Variants in ATF7 observed in about 807,000 individuals in gnomAD.
ATF7 encodes cyclic AMP-dependent transcription factor ATF-7.
A neutral mutation model predicts 50.4 loss-of-function variants in ATF7; 10 were observed. The ratio of observed to expected loss-of-function variants is 0.20; its 90% confidence interval spans 0.12 to 0.34. The LOEUF is 0.34. Among genes scored for constraint, ATF7 ranks in the 10% least tolerant of loss-of-function variants. ATF7 has a pLI of 1.00. For synonymous variants in ATF7, 201 were observed against 226.4 expected, an observed-to-expected ratio of 0.89 and a Z score of 1.01; for missense variants, 465 against 613.9, an observed-to-expected ratio of 0.76 and a Z score of 2.56.
intron 1 of ATF7, among the ~76,000 whole-genome samples, chr12:53,617,215 G>T (rs1944171900): frequency 6.6e-6 from 1 of 152,040 alleles, no homozygotes; most frequent in Non-Finnish European, 1.5e-5. Context: ...TAGAGACAGG[G>T]TTTTGTCATG....
At chr12:53,543,091 C>A in intron 4 of ATF7, 1 of 1,392,646 alleles carries the variant, frequency 7.2e-7, no homozygotes, top group Admixed American at 3.2e-5. Context: ...TAATACTCCC[C>A]TGGAAGAACA....
At chr12:53,626,109 C>A (rs1182277166) in intron 1 of ATF7, 170 bp downstream of exon 1, 1 of 152,562 alleles carries the variant, frequency 6.6e-6, no homozygotes, top group Non-Finnish European at 1.5e-5. Flanking sequence ...CATTGGTCGG[C>A]TTTGGCCTAT....
At chr12:53,607,491 G>A (rs538134622) in intron 1 of ATF7, among the ~76,000 whole-genome samples, 136 of 152,132 alleles carry the variant, frequency 8.9e-4, no homozygotes, top group Admixed American at 3.4e-3. Flanking sequence ...TGCATTGAGC[G>A]TTTAACCACA....
chr12:53,612,919 G>A (rs956818002), intron 1 of ATF7, among the ~76,000 whole-genome samples: 7 of 152,016 alleles, frequency 4.6e-5, no homozygotes, highest in Non-Finnish European at 8.8e-5. Flanking sequence ...CACAAAAATC[G>A]CTTGAACCTG....
rs1938348810 is a variant in ATF7, at chr12:53,524,828, G to T, written c.928-67C>A. ...TAATCCTTTCCAAATCACACCTGATGTTAGGTAGAGTAGTAAGATCTGGTA... is the reference window on the plus strand; with the variant it reads ...TAATCCTTTCCAAATCACACCTGATTTTAGGTAGAGTAGTAAGATCTGGTA... On this transcript the variant is annotated intron_variant, in intron 9 of 11. Transcript: ENST00000420353. The surrounding 1 kb of genome is among the most constrained non-coding windows in gnomAD (Gnocchi z 4.6). 4 of 1,342,732 alleles carry T rather than the reference G, an allele frequency of 3.0e-6. No homozygotes were observed. The highest frequency in any genetic ancestry group is 5.0e-5 in the Admixed American group (2 of 39,750). 83.2% of individuals were successfully genotyped at this position (1,342,732 alleles called of 1,614,324 possible).
chr12:53,600,199 AT>A lies in ATF7; in HGVS notation c.48+753del, dbSNP rs397851114. ...TTTTCTGGATCAACAGTCAAAAGAA[AT>A]TTTTTTTTCCTTATTTAAAAAATCC... On this transcript the variant is annotated intron_variant, in intron 2 of 11. Transcript: ENST00000420353. 1.3e-4 allele frequency among the ~76,000 whole-genome samples: 20 copies of A among 151,900 alleles called. 1 individual carries two copies. The highest frequency in any genetic ancestry group is 3.4e-4 in the African/African-American group (14 of 41,418).
At chr12:53,531,943 T>C (rs777198958) in intron 8 of ATF7, 47 bp from the exon 9 acceptor site, 1 of 1,603,604 alleles carries the variant, frequency 6.2e-7, no homozygotes, top group South Asian at 1.1e-5. Context: ...TCAGATTCTA[T>C]CAAGGATGAG....
chr12:53,613,675 C>A (rs1289639432), intron 1 of ATF7, among the ~76,000 whole-genome samples: 5 of 151,878 alleles, frequency 3.3e-5, no homozygotes, highest in African/African-American at 9.7e-5. Flanking sequence ...AGTGCACCAA[C>A]AAGCTCGGGT....
At chr12:53,529,292 C>T (rs532124705) in intron 9 of ATF7, among the ~76,000 whole-genome samples, 22 of 152,264 alleles carry the variant, frequency 1.4e-4, no homozygotes, top group Admixed American at 3.3e-4. Context: ...CTCCGCCTCC[C>T]GGGTTCAAGC....
intron 2 of ATF7, among the ~76,000 whole-genome samples, chr12:53,564,665 G>A (rs1941343189): frequency 6.6e-6 from 1 of 152,152 alleles, no homozygotes; most frequent in African/African-American, 2.4e-5. Context: ...AAATCAACAA[G>A]CTAGTTAGAG....
intron 4 of ATF7, among the ~76,000 whole-genome samples, chr12:53,541,661 G>A (rs1939558816): frequency 1.3e-5 from 2 of 152,206 alleles, no homozygotes; most frequent in South Asian, 4.1e-4. Flanking sequence ...TCTCTACTAA[G>A]TGGTCTACAT....
intron 1 of ATF7, among the ~76,000 whole-genome samples, chr12:53,614,164 AG>A (rs1278040523): frequency 6.6e-6 from 1 of 152,126 alleles, no homozygotes; most frequent in Non-Finnish European, 1.5e-5. Context: ...AAGGCTTTCT[AG>A]GCTTTCAGAG....
chr12:53,594,709 G>A (rs1317037302), intron 2 of ATF7, among the ~76,000 whole-genome samples: 3 of 152,004 alleles, frequency 2.0e-5, no homozygotes, highest in Non-Finnish European at 4.4e-5. Flanking sequence ...CCAACATGGC[G>A]ACACCCCATT....
intron 4 of ATF7, chr12:53,543,025 T>C: frequency 8.0e-7 from 1 of 1,253,500 alleles, no homozygotes; most frequent in Admixed American, 3.7e-5. Context: ...TATCACCTTT[T>C]AACATCTTCA....
At chr12:53,590,769 T>C (rs1942904902) in intron 2 of ATF7, among the ~76,000 whole-genome samples, 1 of 152,188 alleles carries the variant, frequency 6.6e-6, no homozygotes, top group South Asian at 2.1e-4. Context: ...CACATGCTTA[T>C]CTACTCACAA....
At chr12:53,601,766 CTGCTTTCGGCCAG>C (rs1306797201) in intron 1 of ATF7, among the ~76,000 whole-genome samples, 2 of 152,152 alleles carry the variant, frequency 1.3e-5, no homozygotes, top group African/African-American at 4.8e-5. Flanking sequence ...GCTGTTTGTG[CTGCTTTCGGCCAG>C]TGTTCTTGGG....
intron 1 of ATF7, among the ~76,000 whole-genome samples, chr12:53,605,592 T>C (rs1250175364): frequency 2.6e-5 from 4 of 152,294 alleles, no homozygotes; most frequent in Admixed American, 6.5e-5. Flanking sequence ...TCTGCCCTCA[T>C]AGAGCTTATT....
At chr12:53,574,260 G>A (rs1941932008) in intron 2 of ATF7, among the ~76,000 whole-genome samples, 1 of 152,192 alleles carries the variant, frequency 6.6e-6, no homozygotes, top group Non-Finnish European at 1.5e-5. Context: ...GAAACTTTTA[G>A]GCTCCTGAAC....
rs1244642445 is a variant in ATF7, at chr12:53,515,463, G to A, written c.*1674C>T. On this transcript the variant is annotated 3_prime_UTR_variant, in exon 12 of 12. Transcript: ENST00000420353. ...GAAAGTGGCTCTGGGACAACTGGAA[G>A]GGTTTCATACGGAAAGGCAATTAAA... 6.6e-6 allele frequency: 1 copy of A among 152,194 alleles called. No individual in the cohort carries two copies. The highest frequency in any genetic ancestry group is 2.4e-5 in the African/African-American group (1 of 41,426). The allele number at this position is 152,194 out of a possible 1,614,324, so 9.4% of individuals were successfully genotyped here.
Sources: allele counts gnomAD v4.1 joint callset (sites outside exome capture counted in the v4.1 genomes callset), GRCh38; gene constraint gnomAD v4.1.1; non-coding constraint Gnocchi (gnomAD v3.1); transcripts MANE v1.5; gene names NCBI Gene and HGNC (gene_info 2026-07-23, HGNC 2026-07-21).